Variants in RAD18 observed in about 807,000 individuals in gnomAD.
The protein encoded by RAD18 is E3 ubiquitin-protein ligase RAD18.
A neutral mutation model predicts 60.4 loss-of-function variants in RAD18; 47 were observed. The ratio of observed to expected loss-of-function variants is 0.78; its 90% CI spans 0.62 to 0.99. The LOEUF (loss-of-function observed/expected upper bound fraction) is 0.99, where lower values mean the gene tolerates loss of function less well. RAD18 is among the 50% of genes least tolerant of loss of function. The pLI is 0.00. For missense variants in RAD18, 640 were observed against 593.3 expected (o/e 1.08, Z -0.82); for synonymous variants, 225 against 195.5 (o/e 1.15, Z -1.26).
chr3:8,947,764 T>A (rs1940860090), intron 3 of RAD18, among the ~76,000 whole-genome samples: 2 of 152,188 alleles, frequency 1.3e-5, no homozygotes, highest in Non-Finnish European at 2.9e-5. Flanking sequence ...TGGTACACAG[T>A]TTATCTCAGC....
intron 12 of RAD18, among the ~76,000 whole-genome samples, chr3:8,886,534 G>A (rs1341924981): frequency 1.3e-5 from 2 of 152,212 alleles, no homozygotes; most frequent in Non-Finnish European, 2.9e-5. Context: ...AACACTGACT[G>A]ACTGACTGAC....
intron 2 of RAD18, among the ~76,000 whole-genome samples, chr3:8,957,785 G>T (rs144256353): frequency 1.3e-3 from 194 of 152,230 alleles, no homozygotes; most frequent in African/African-American, 4.6e-3. Flanking sequence ...CTGAGATGGG[G>T]AGAAATTTAT....
At chr3:8,943,032 A>AG (rs1940780292) in intron 4 of RAD18, among the ~76,000 whole-genome samples, 1 of 152,236 alleles carries the variant, frequency 6.6e-6, no homozygotes, top group South Asian at 2.1e-4. Flanking sequence ...ATATAAACAA[A>AG]GCTCAAACAG....
chr3:8,891,555 G>A (rs908997308), intron 11 of RAD18, among the ~76,000 whole-genome samples: 2 of 152,140 alleles, frequency 1.3e-5, no homozygotes, highest in African/African-American at 2.4e-5. Flanking sequence ...AGATGTTAGA[G>A]GTGGTTAACA....
At chr3:8,922,456 G>GCCT (rs1940340192) in intron 7 of RAD18, among the ~76,000 whole-genome samples, 1 of 152,114 alleles carries the variant, frequency 6.6e-6, no homozygotes, top group Non-Finnish European at 1.5e-5. Flanking sequence ...AGCTCAAGGA[G>GCCT]GCCTGCCTGC....
chr3:8,916,837 G>C (rs991788560), intron 7 of RAD18, among the ~76,000 whole-genome samples: 1 of 152,018 alleles, frequency 6.6e-6, no homozygotes, highest in Non-Finnish European at 1.5e-5. Flanking sequence ...TAACAGAACA[G>C]AGCCTCTAAG....
At chr3:8,890,486 CAAG>C (rs748872398) in intron 11 of RAD18, 35 bp from the exon 12 acceptor site, 5 of 1,441,586 alleles carry the variant, frequency 3.5e-6, no homozygotes, top group Non-Finnish European at 4.9e-6. Context: ...TGACAGACAA[CAAG>C]AAGACTGTAT....
At chr3:8,920,046 G>T (rs999010524) in intron 7 of RAD18, among the ~76,000 whole-genome samples, 1 of 152,200 alleles carries the variant, frequency 6.6e-6, no homozygotes, top group Non-Finnish European at 1.5e-5. Flanking sequence ...ACTTTGGGAG[G>T]CCAAGGCAGA....
At chr3:8,933,975 T>C (rs1940607189) in intron 7 of RAD18, among the ~76,000 whole-genome samples, 3 of 152,164 alleles carry the variant, frequency 2.0e-5, no homozygotes, top group Non-Finnish European at 2.9e-5. Flanking sequence ...AACAAAACAA[T>C]GTCCAGGCCT....
chr3:8,890,496 G>T (rs776781540), intron 11 of RAD18, 45 bp from the exon 12 acceptor site: 1 of 1,391,506 alleles, frequency 7.2e-7, no homozygotes, highest in East Asian at 2.3e-5. Flanking sequence ...CAAGAAGACT[G>T]TATCGTCCCA....
intron 2 of RAD18, among the ~76,000 whole-genome samples, chr3:8,950,053 T>TG (rs1940904047): frequency 6.6e-6 from 1 of 152,102 alleles, no homozygotes; most frequent in Admixed American, 6.5e-5. Context: ...CCCTTCAAGA[T>TG]GGAGTCTAAT....
rs369265788 is a variant in RAD18 at position 8,919,778 on chromosome 3, G to A, written c.890-6058C>T. On this transcript the variant is annotated intron_variant, in intron 7 of 12. Coordinates refer to ENST00000264926, the MANE Select transcript of RAD18 (RefSeq NM_020165.4). ...AGAAATGGCTGATTTCAGGGCTGGGGCATGGAAGAGCAAGAAAAGTCTGCA... is the reference window on the plus strand; with the variant it reads ...AGAAATGGCTGATTTCAGGGCTGGGACATGGAAGAGCAAGAAAAGTCTGCA... Among the ~76,000 whole-genome samples the A allele has an allele frequency of 8.7e-4, 133 of 152,314 alleles. No homozygotes were observed. In the South Asian group the frequency reaches 0.018, roughly 20 times the overall value.
rs1940743423 is a variant in RAD18 at position 8,941,384 on chromosome 3, C to G, written c.604+83G>C. The G allele has an allele frequency of 3.9e-5, 47 of 1,213,334 alleles. 1 individual carries two copies. In the South Asian group the frequency reaches 6.6e-4, roughly 17 times the overall value. The allele number at this position is 1,213,334 out of a possible 1,614,324, so 75.2% of individuals were successfully genotyped here. A position where few individuals can be genotyped will look rare whatever the true frequency, so the allele number is the denominator to read the frequency against. ...TGGTTTGTCCTTTACCATTCCTTCC[C>G]CCTCAAAGATGCTGCCTATTTATTC... On this transcript the variant is annotated intron_variant, in intron 5 of 12. Coordinates refer to ENST00000264926, the MANE Select transcript of RAD18 (RefSeq NM_020165.4).
At chr3:8,908,475 T>C (rs1056072657) in intron 9 of RAD18, among the ~76,000 whole-genome samples, 4 of 152,060 alleles carry the variant, frequency 2.6e-5, no homozygotes, top group African/African-American at 9.7e-5. Flanking sequence ...AGGGAGAAGA[T>C]GGCCATCTAT....
intron 9 of RAD18, among the ~76,000 whole-genome samples, chr3:8,909,654 C>T (rs547878829): frequency 5.2e-4 from 79 of 152,236 alleles, no homozygotes; most frequent in African/African-American, 1.9e-3. Flanking sequence ...ACCTAAAGTT[C>T]TACAAACAGC....
chr3:8,906,687 G>A (rs538261842), intron 9 of RAD18, among the ~76,000 whole-genome samples: 6 of 109,062 alleles, frequency 5.5e-5, no homozygotes, highest in South Asian at 3.8e-4. Flanking sequence ...CATTCACCTC[G>A]TTTTCTAGAT....
rs1242136255 is a variant in RAD18, at chr3:8,935,961, T to C, written c.799A>G (p.Ile267Val). ...KKKLKEHGLS[I>V]QGNKQQLIKR... is the part of the protein sequence containing the mutation. Reference sequence around the variant, plus strand: ...ATGAGCTGTTGTTTATTTCCTTGAATAGATAATCCATGCTCTTTTAGCTTT... The same window carrying C: ...ATGAGCTGTTGTTTATTTCCTTGAACAGATAATCCATGCTCTTTTAGCTTT... The change falls in exon 7 of 13, where the codon ATT becomes GTT. Residue 267 changes from isoleucine (I) to valine (V), a missense_variant. By Grantham distance (29) the Ile-to-Val change is conservative. Transcript: ENST00000264926. The C allele has an allele frequency of 6.2e-7, 1 of 1,611,196 alleles. No homozygotes were observed. The highest frequency in any genetic ancestry group is 1.1e-5 in the South Asian group (1 of 90,916).
intron 2 of RAD18, among the ~76,000 whole-genome samples, chr3:8,957,272 C>T (rs1941030171): frequency 6.6e-6 from 1 of 152,110 alleles, no homozygotes; most frequent in African/African-American, 2.4e-5. Context: ...AGATTCAATA[C>T]AATTCCAGTG....
In RAD18 at chr3:8,915,709, G is replaced by T. The variant is rs553858200; in HGVS notation, c.890-1989C>A. Among the ~76,000 whole-genome samples the T allele has an allele frequency of 6.4e-4, 97 of 151,320 alleles. 1 individual carries two copies. In the South Asian group the frequency reaches 0.014, roughly 22 times the overall value. ...CGCCATTCTCCTGCCTCAGCCTCCC[G>T]AGTAGCTGGGACTACAGGTGCCTGC... On this transcript the variant is annotated intron_variant, in intron 7 of 12. Transcript: ENST00000264926.
Sources: gnomAD v4.1 joint callset for allele counts (sites outside exome capture counted in the v4.1 genomes callset) on GRCh38, gnomAD v4.1.1 for gene constraint, MANE v1.5 for transcripts, NCBI Gene and HGNC (gene_info 2026-07-23, HGNC 2026-07-21) for gene names.